ANKDD1B: variants seen among roughly 807,000 people sequenced by gnomAD.
The protein encoded by ANKDD1B is ankyrin repeat and death domain containing 1B.
In ANKDD1B, 57 loss-of-function variants were observed where a neutral mutation model predicts 59.7. That is an observed-to-expected ratio of 0.95 (90% CI 0.77 to 1.19). The LOEUF is 1.19. Among genes scored for constraint, ANKDD1B ranks in the 50% most tolerant of loss-of-function variants. The pLI, the probability that ANKDD1B is intolerant of heterozygous loss-of-function variation, is 0.00. For synonymous variants in ANKDD1B, 216 were observed against 239.5 expected (o/e 0.90, Z 0.91); for missense variants, 602 against 641.9 (o/e 0.94, Z 0.67).
chr5:75,630,533 G>A (rs1774123222), intron 5 of ANKDD1B, among the ~76,000 whole-genome samples: 1 of 152,230 alleles, frequency 6.6e-6, no homozygotes, highest in Admixed American at 6.5e-5. Context: ...CCATCTCTTA[G>A]CAGGTGAAGC....
intron 11 of ANKDD1B, among the ~76,000 whole-genome samples, chr5:75,665,058 AACCTAACC>A (rs1775271483): frequency 2.6e-5 from 4 of 152,252 alleles, no homozygotes. Context: ...TTTATCCATT[AACCTAACC>A]ACCCAATCAT....
In ANKDD1B at chr5:75,669,239, G is replaced by A; in HGVS notation, c.1394-13G>A. ...CGTGGTGTTTTACCTCGGACCTCTTGTGCTTGGCACAGGAAATGAAAGCTT... is the reference window on the plus strand; with the variant it reads ...CGTGGTGTTTTACCTCGGACCTCTTATGCTTGGCACAGGAAATGAAAGCTT... On this transcript the variant is annotated splice_polypyrimidine_tract_variant and intron_variant, in intron 12 of 13. Transcript: ENST00000601380. 1.6e-6 allele frequency: 2 copies of A among 1,232,036 alleles called. No homozygotes were observed. Among genetic ancestry groups the A allele is most frequent in the Non-Finnish European group, 2.0e-6 (2 of 987,916 alleles). 76.3% of individuals were successfully genotyped at this position (1,232,036 alleles called of 1,614,324 possible). A position where few individuals can be genotyped will look rare whatever the true frequency, so the allele number is the denominator to read the frequency against.
At chr5:75,656,792 G>C (rs1027213106) in intron 9 of ANKDD1B, among the ~76,000 whole-genome samples, 1 of 152,246 alleles carries the variant, frequency 6.6e-6, no homozygotes, top group Admixed American at 6.5e-5. Context: ...CCCGAGGCCA[G>C]ATGAGACCTT....
Position 75,650,244 on chromosome 5 carries a change from G to A in ANKDD1B, c.799-2898G>A, listed in dbSNP as rs533692430. 2.6e-5 allele frequency among the ~76,000 whole-genome samples: 4 copies of A among 152,356 alleles called. No individual in the cohort carries two copies. The East Asian group carries it at 7.7e-4, about 29-fold the overall frequency. ...CTGATCTTAAAATGAGATTCTCCTG[G>A]ATTACCAGGTGGGCCCAATGTAATC... is the stretch of plus-strand genomic sequence containing the variant. On this transcript the variant is annotated intron_variant, in intron 7 of 13. Coordinates refer to ENST00000601380, the MANE Select transcript of ANKDD1B (RefSeq NM_001276713.2).
intron 9 of ANKDD1B, among the ~76,000 whole-genome samples, chr5:75,656,668 G>A (rs531991235): frequency 6.6e-6 from 1 of 152,348 alleles, no homozygotes; most frequent in East Asian, 1.9e-4. Context: ...GCAACGGAAT[G>A]ATGAAGGGAA....
chr5:75,635,595 C>T, intron 6 of ANKDD1B, 189 bp from the exon 7 acceptor site: 2 of 398,096 alleles, frequency 5.0e-6, no homozygotes, highest in Non-Finnish European at 8.9e-6. Context: ...GTTCAAAAAA[C>T]TATACCTTTT....
chr5:75,650,785 C>T, intron 7 of ANKDD1B, among the ~76,000 whole-genome samples: 1 of 152,182 alleles, frequency 6.6e-6, no homozygotes, highest in East Asian at 1.9e-4. Flanking sequence ...TGGCTTAAAA[C>T]AACAATGTAT....
At chr5:75,632,978 G>T (rs1167816369) in intron 5 of ANKDD1B, among the ~76,000 whole-genome samples, 1 of 152,092 alleles carries the variant, frequency 6.6e-6, no homozygotes, top group Non-Finnish European at 1.5e-5. Flanking sequence ...TTTTCATCTG[G>T]TATATAATCA....
At chr5:75,659,134 C>T (rs1224684733) in intron 9 of ANKDD1B, 149 bp from the exon 10 acceptor site, 2 of 596,248 alleles carry the variant, frequency 3.4e-6, no homozygotes, top group African/African-American at 3.7e-5. Flanking sequence ...TTCAGTTTTT[C>T]ACTATTGCAA....
In ANKDD1B at chr5:75,670,979, A is replaced by G. The variant is rs1461675097; in HGVS notation, c.1526A>G (p.Glu509Gly). 4.9e-6 allele frequency: 6 copies of G among 1,223,340 alleles called. No homozygotes were observed. Among genetic ancestry groups the G allele is most frequent in the Non-Finnish European group, 6.1e-6 (6 of 980,208 alleles). The allele number at this position is 1,223,340 out of a possible 1,614,324, so 75.8% of individuals were successfully genotyped here. A position where few individuals can be genotyped will look rare whatever the true frequency, so the allele number is the denominator to read the frequency against. Residue 509 changes from glutamate to glycine, a missense_variant and splice_region_variant, in exon 14 of 14, where the codon GAA (glutamate) becomes GGA (glycine). Transcript: ENST00000601380. Reference protein sequence around the residue: ...LVHAGFPKLAEKTRHFKSKTD... With the variant: ...LVHAGFPKLAGKTRHFKSKTD... ...ATAAATGTTATCTTATTTTTTCCAGAAAAGACTCGTCATTTCAAAAGCAAA... is the reference window on the plus strand; with the variant it reads ...ATAAATGTTATCTTATTTTTTCCAGGAAAGACTCGTCATTTCAAAAGCAAA...
chr5:75,635,057 GA>G (rs1416193113), intron 6 of ANKDD1B, 61 bp downstream of exon 6: 4 of 1,101,680 alleles, frequency 3.6e-6, no homozygotes, highest in Non-Finnish European at 5.3e-6. Flanking sequence ...AATTGATGTA[GA>G]GGGGTAACAA....
At chr5:75,649,055 G>C (rs575343267) in intron 7 of ANKDD1B, among the ~76,000 whole-genome samples, 1 of 152,252 alleles carries the variant, frequency 6.6e-6, no homozygotes, top group Admixed American at 6.5e-5. Context: ...TAGGGCAACA[G>C]GCTCTCTTTA....
intron 3 of ANKDD1B, among the ~76,000 whole-genome samples, chr5:75,624,776 C>A (rs1581132236): frequency 2.0e-5 from 3 of 152,152 alleles, no homozygotes; most frequent in Admixed American, 1.3e-4. Flanking sequence ...ACCTACCCAC[C>A]AACCCACCTA....
rs564574104 is a variant in ANKDD1B at position 75,633,886 on chromosome 5, G to T, written c.601-1012G>T. ...AGGTACTGAGTTCTCACTCTGGTGG[G>T]ACTAGATTCATTCTCATAGGAATAA... is the stretch of plus-strand genomic sequence containing the variant. On this transcript the variant is annotated intron_variant, in intron 5 of 13. Transcript: ENST00000601380. 1.1e-4 allele frequency among the ~76,000 whole-genome samples: 16 copies of T among 152,262 alleles called. No homozygotes were observed. In the South Asian group the frequency reaches 3.3e-3, roughly 32 times the overall value.
intron 10 of ANKDD1B, among the ~76,000 whole-genome samples, chr5:75,660,315 C>G (rs1775098131): frequency 6.6e-6 from 1 of 152,180 alleles, no homozygotes; most frequent in South Asian, 2.1e-4. Flanking sequence ...TTTGACCACT[C>G]TAAGTACCTC....
At chr5:75,655,027 T>C (rs904740715) in intron 8 of ANKDD1B, among the ~76,000 whole-genome samples, 1 of 152,180 alleles carries the variant, frequency 6.6e-6, no homozygotes, top group African/African-American at 2.4e-5. Flanking sequence ...TTCCCTTCGT[T>C]GTTTCTTCCC....
chr5:75,611,775 G>C lies in ANKDD1B; in HGVS notation c.141G>C (p.Pro47=), dbSNP rs1318215670. The C allele has an allele frequency of 8.1e-7, 1 of 1,232,032 alleles. No homozygotes were observed. The highest frequency in any genetic ancestry group is 1.0e-6 in the Non-Finnish European group (1 of 988,098). 76.3% of individuals were successfully genotyped at this position (1,232,032 alleles called of 1,614,324 possible). A position where few individuals can be genotyped will look rare whatever the true frequency, so the allele number is the denominator to read the frequency against. The change falls in exon 1 of 14, where the codon CCG becomes CCC. Residue 47 remains proline (P), a synonymous_variant. Coordinates refer to ENST00000601380, the MANE Select transcript of ANKDD1B (RefSeq NM_001276713.2). ...CTTGGAGGAGCCTGTCCCGGATCCC[G>C]AAGCGGGAGGGTCTTGGAGAGGAGG... ...ALPWRSLSRI[P]KREGLGEEDT...
At chr5:75,655,152 A>G (rs1418066243) in intron 8 of ANKDD1B, among the ~76,000 whole-genome samples, 1 of 152,174 alleles carries the variant, frequency 6.6e-6, no homozygotes, top group Non-Finnish European at 1.5e-5. Flanking sequence ...GCCTGGAGGC[A>G]AAGTGTCGGG....
In ANKDD1B at chr5:75,659,401, T is replaced by G. The variant is rs776548576; in HGVS notation, c.1095+20T>G. ...GACAAGGTAAGTGCATGGACTTTAC[T>G]CCATTCAGCTGAGATGGTTGCTAAG... On this transcript the variant is annotated intron_variant, in intron 10 of 13. Coordinates refer to ENST00000601380, the MANE Select transcript of ANKDD1B (RefSeq NM_001276713.2). The G allele has an allele frequency of 2.7e-6, 4 of 1,497,588 alleles. No homozygotes were observed. In the South Asian group the frequency reaches 4.8e-5, roughly 18 times the overall value. The allele number at this position is 1,497,588 out of a possible 1,614,324, so 92.8% of individuals were successfully genotyped here. A position where few individuals can be genotyped will look rare whatever the true frequency, so the allele number is the denominator to read the frequency against.
Sources: allele counts gnomAD v4.1 joint callset (sites outside exome capture counted in the v4.1 genomes callset), GRCh38; gene constraint gnomAD v4.1.1; transcripts MANE v1.5; gene names NCBI Gene and HGNC (gene_info 2026-07-23, HGNC 2026-07-21).